The following ERBB2 variants were observed in gnomAD, a reference collection of about 807,000 sequenced individuals.
The protein encoded by ERBB2 is receptor tyrosine-protein kinase erbB-2.
ERBB2 carries 61 observed loss-of-function variants against 149.0 expected under a neutral mutation model. That is an observed-to-expected ratio of 0.41 (90% CI 0.33 to 0.51). The LOEUF (loss-of-function observed/expected upper bound fraction) is 0.51, where lower values mean the gene tolerates loss of function less well. Among genes scored for constraint, ERBB2 ranks in the 20% least tolerant of loss-of-function variants. ERBB2 has a pLI of 0.25. For synonymous variants in ERBB2, 633 were observed against 678.8 expected (o/e 0.93, Z 1.05); for missense variants, 1,205 against 1,655.1 (o/e 0.73, Z 4.72).
chr17:39,698,706 C>A (rs1376253886), upstream of ERBB2, among the ~76,000 whole-genome samples: 1 of 151,994 alleles, frequency 6.6e-6, no homozygotes, highest in Non-Finnish European at 1.5e-5. Context: ...CAAGTGTATA[C>A]CTGTAAAGAG....
chr17:39,722,830 C>T (rs1312708115), intron 16 of ERBB2, among the ~76,000 whole-genome samples: 1 of 152,070 alleles, frequency 6.6e-6, no homozygotes, highest in African/African-American at 2.4e-5. Context: ...GATTCTCCTG[C>T]CTCAGTCTCC....
At chr17:39,712,297 T>TCCCCACCCAC in intron 8 of ERBB2, 25 bp from the exon 9 acceptor site, 1 of 1,610,858 alleles carries the variant, frequency 6.2e-7, no homozygotes, top group Non-Finnish European at 8.5e-7. Flanking sequence ...GACGGCCCCT[T>TCCCCACCCAC]CCCCACCCAC....
chr17:39,713,636 C>T (rs1055980562), intron 9 of ERBB2, among the ~76,000 whole-genome samples: 2 of 151,772 alleles, frequency 1.3e-5, no homozygotes, highest in African/African-American at 4.8e-5. Flanking sequence ...GCCTATCATC[C>T]CAGCTACTTG....
In ERBB2 at chr17:39,708,523, G is replaced by C. The variant is rs185670819; in HGVS notation, c.428G>C (p.Arg143Pro). 5 of 1,613,836 alleles carry C rather than the reference G, an allele frequency of 3.1e-6. No individual in the cohort carries two copies. The highest frequency in any genetic ancestry group is 4.2e-6 in the Non-Finnish European group (5 of 1,179,798). The stretch of plus-strand genomic sequence containing the variant: ...GGAGGCCTGCGGGAGCTGCAGCTTC[G>C]AAGCCTCACAGGTGGCCTTCACCGT... ...SPGGLRELQL[R>P]SLTEILKGGV... Residue 143 changes from arginine to proline, a missense_variant, in exon 3 of 27, where the codon CGA (arginine) becomes CCA (proline). Coordinates refer to ENST00000269571, the MANE Select transcript of ERBB2 (RefSeq NM_004448.4).
At position 39,725,541 on chromosome 17, in the gene ERBB2, G is replaced by A; in HGVS notation, c.2725+139G>A. Reference sequence around the variant, plus strand: ...GGCTGCCTGTGCCCCACCTTGCAGGGTCTGTGCACTTCCCAGGATTAGGGA... The same window carrying A: ...GGCTGCCTGTGCCCCACCTTGCAGGATCTGTGCACTTCCCAGGATTAGGGA... On this transcript the variant is annotated intron_variant, in intron 22 of 26. Transcript: ENST00000269571. The surrounding 1 kb of genome is among the most constrained non-coding windows in gnomAD (Gnocchi z 4.6). The A allele has an allele frequency of 1.7e-6, 2 of 1,200,420 alleles. No individual in the cohort carries two copies. The highest frequency in any genetic ancestry group is 2.1e-5 in the Admixed American group (1 of 47,716). 74.4% of individuals were successfully genotyped at this position (1,200,420 alleles called of 1,614,324 possible).
rs375486327 is a variant in ERBB2, at chr17:39,723,273, C to T, written c.1947-46C>T. ...CCCCGTGGGCCCCCTTTGTCCCTCC[C>T]ACCCCAAACTAGCCCTCAATCCCTG... is the stretch of plus-strand genomic sequence containing the variant. On this transcript the variant is annotated intron_variant, in intron 16 of 26. Coordinates refer to ENST00000269571, the MANE Select transcript of ERBB2 (RefSeq NM_004448.4). This position sits in a 1 kb window ranked among gnomAD's most constrained non-coding sequence, Gnocchi z 6.2. 3 of 1,600,958 alleles carry T rather than the reference C, an allele frequency of 1.9e-6. No individual in the cohort carries two copies. Among genetic ancestry groups the T allele is most frequent in the Non-Finnish European group, 2.6e-6 (3 of 1,170,604 alleles).
chr17:39,714,448 A>T (rs1408426320), intron 9 of ERBB2, among the ~76,000 whole-genome samples: 1 of 152,168 alleles, frequency 6.6e-6, no homozygotes, highest in East Asian at 1.9e-4. Context: ...CAGTTTCTTC[A>T]TCTGTAAAGT....
upstream of ERBB2, among the ~76,000 whole-genome samples, chr17:39,698,027 A>C (rs2057906330): frequency 6.6e-6 from 1 of 152,090 alleles, no homozygotes; most frequent in Admixed American, 6.6e-5. Context: ...AGTTTCCCAA[A>C]TTATATAAGC....
upstream of ERBB2, among the ~76,000 whole-genome samples, chr17:39,696,136 G>A (rs1220118648): frequency 6.6e-6 from 1 of 152,186 alleles, no homozygotes; most frequent in East Asian, 1.9e-4. Flanking sequence ...TGGAGGGACA[G>A]TTAAGGAGGA....
upstream of ERBB2, among the ~76,000 whole-genome samples, chr17:39,692,439 CTT>C (rs560912894): frequency 6.7e-4 from 97 of 145,532 alleles, no homozygotes; most frequent in Admixed American, 4.4e-3. Context: ...AGTTTTTGCT[CTT>C]GTTACCCAGG....
At chr17:39,696,215 T>C (rs2057860584), upstream of ERBB2, among the ~76,000 whole-genome samples, 1 of 152,102 alleles carries the variant, frequency 6.6e-6, no homozygotes, top group South Asian at 2.1e-4. Context: ...CGAGGTTTTT[T>C]CCTCTGGCTT....
intron 12 of ERBB2, 118 bp from the exon 13 acceptor site, chr17:39,716,183 C>G: frequency 2.6e-6 from 3 of 1,159,378 alleles, no homozygotes; most frequent in Non-Finnish European, 3.6e-6. Context: ...CTCCCTACAT[C>G]GGCCCCACCT....
chr17:39,708,197 C>T (rs1044835897), intron 2 of ERBB2, 124 bp from the exon 3 acceptor site: 10 of 638,044 alleles, frequency 1.6e-5, no homozygotes, highest in African/African-American at 5.5e-5. Context: ...TTTATTTAAG[C>T]GGGAACAGGA....
At position 39,709,355 on chromosome 17, in the gene ERBB2, C is replaced by T. The variant is rs2145471939; in HGVS notation, c.477C>T (p.Pro159=). The T allele has an allele frequency of 6.2e-7, 1 of 1,614,126 alleles. No individual in the cohort carries two copies. The part of the protein sequence containing the change: ...LKGGVLIQRN[P]QLCYQDTILW... ...GAGGGGTCTTGATCCAGCGGAACCCCCAGCTCTGCTACCAGGACACGATTT... is the reference window on the plus strand; with the variant it reads ...GAGGGGTCTTGATCCAGCGGAACCCTCAGCTCTGCTACCAGGACACGATTT... The change falls in exon 4 of 27, where the codon CCC becomes CCT. Residue 159 remains proline, a synonymous_variant. Coordinates refer to ENST00000269571, the MANE Select transcript of ERBB2 (RefSeq NM_004448.4).
Position 39,710,631 on chromosome 17 carries a change from G to A in ERBB2, c.901+150G>A, listed in dbSNP as rs1002927657. 14 of 985,888 alleles carry A rather than the reference G, an allele frequency of 1.4e-5. No individual in the cohort carries two copies. In the Admixed American group the frequency reaches 2.3e-4, roughly 16 times the overall value. The allele number at this position is 985,888 out of a possible 1,614,324, so 61.1% of individuals were successfully genotyped here. ...GCTGCCTTGTTCTTTCAACAGCTGT[G>A]GAGCAGGTGGCAGTAAGGAGAGGCA... On this transcript the variant is annotated intron_variant, in intron 7 of 26. Transcript: ENST00000269571.
intron 1 of ERBB2, among the ~76,000 whole-genome samples, chr17:39,704,204 A>G (rs1200146292): frequency 2.0e-5 from 3 of 152,142 alleles, no homozygotes; most frequent in Non-Finnish European, 4.4e-5. Flanking sequence ...GCTCTGGAGA[A>G]TTGGAGGTTG....
intron 6 of ERBB2, 46 bp downstream of exon 6, chr17:39,710,247 G>T (rs1201984330): frequency 1.2e-6 from 2 of 1,607,604 alleles, no homozygotes; most frequent in Non-Finnish European, 8.5e-7. Flanking sequence ...CCCCCAGGAT[G>T]CAAGGGGTGG....
At chr17:39,712,526 G>T in intron 9 of ERBB2, 78 bp downstream of exon 9, 1 of 1,531,604 alleles carries the variant, frequency 6.5e-7, no homozygotes, top group South Asian at 1.2e-5. Context: ...AGCATCTCTT[G>T]GGGATGGCAG....
chr17:39,700,819 GGTGT>G (rs144837026), intron 1 of ERBB2, among the ~76,000 whole-genome samples: 1 of 150,948 alleles, frequency 6.6e-6, no homozygotes, highest in African/African-American at 2.4e-5. Flanking sequence ...GGCGGGGTCG[GGTGT>G]GTGTGTGTGT....
Sources: gnomAD v4.1 joint callset for allele counts (sites outside exome capture counted in the v4.1 genomes callset) on GRCh38, gnomAD v4.1.1 for gene constraint, Gnocchi (gnomAD v3.1) non-coding constraint, MANE v1.5 for transcripts, NCBI Gene and HGNC (gene_info 2026-07-23, HGNC 2026-07-21) for gene names.